The following F5 variants were observed in gnomAD, a reference collection of about 807,000 sequenced individuals.
The protein encoded by F5 is activated protein c cofactor.
In F5, 138 loss-of-function variants were observed where a neutral mutation model predicts 216.4. The observed-to-expected ratio is 0.64, with a 90% CI of 0.56 to 0.73. F5 has a LOEUF of 0.73. Ranked by LOEUF, F5 falls within the 30% of genes least tolerant of loss-of-function variation. The probability of loss-of-function intolerance (pLI) is 0.00; values close to 1 mark genes in which losing one functional copy is unlikely to be tolerated. For synonymous variants in F5, 916 were observed against 930.7 expected (o/e 0.98, Z 0.29); for missense variants, 2,403 against 2,674.0 (o/e 0.90, Z 2.24).
Position 169,552,577 on chromosome 1 carries a change from G to A in F5, c.1276C>T (p.Gln426Ter), listed in dbSNP as rs1040732980. Residue 426 changes from glutamine to a stop codon, truncating the protein, a stop_gained, in exon 8 of 25, where the codon CAG becomes TAG. Transcript: ENST00000367797. LOFTEE classifies it high-confidence loss of function. ...DGILGPIIRA[Q>*]VRDTLKIVFK... Reference sequence around the variant, plus strand: ...CTTACTTTGAGTGTGTCTCTGACCTGGGCTCTGATAATAGGACCCAAAATC... The same window carrying A: ...CTTACTTTGAGTGTGTCTCTGACCTAGGCTCTGATAATAGGACCCAAAATC... 1 of 1,613,376 alleles carries A rather than the reference G, an allele frequency of 6.2e-7. No individual in the cohort carries two copies. Among genetic ancestry groups the A allele is most frequent in the African/African-American group, 1.3e-5 (1 of 74,836 alleles).
At chr1:169,544,147 A>T in intron 12 of F5, 149 bp downstream of exon 12, 1 of 704,888 alleles carries the variant, frequency 1.4e-6, no homozygotes, top group Non-Finnish European at 2.5e-6. Flanking sequence ...TTTCTCAAAG[A>T]GAAATCATGA....
chr1:169,530,126 C>A (rs1210587319), intron 15 of F5, among the ~76,000 whole-genome samples: 1 of 152,148 alleles, frequency 6.6e-6, no homozygotes, highest in Non-Finnish European at 1.5e-5. Flanking sequence ...CCCATTTAAT[C>A]CTGACAACTA....
chr1:169,577,807 C>T (rs1235505299), intron 2 of F5, among the ~76,000 whole-genome samples: 1 of 151,604 alleles, frequency 6.6e-6, no homozygotes, highest in Non-Finnish European at 1.5e-5. Flanking sequence ...CCCTCACCTG[C>T]CCAAATGTCC....
intron 2 of F5, among the ~76,000 whole-genome samples, chr1:169,581,488 G>T (rs1347452911): frequency 6.6e-6 from 1 of 152,004 alleles, no homozygotes; most frequent in African/African-American, 2.4e-5. Flanking sequence ...ACTGGACATG[G>T]TTTGATTTGG....
chr1:169,542,839 A>G lies in F5; in HGVS notation c.2251T>C (p.Phe751Leu). The change falls in exon 13 of 25, where the codon TTC becomes CTC. Residue 751 changes from phenylalanine to leucine, a missense_variant. Transcript: ENST00000367797. ...TCCAGAGCTAGGGCAGTAAGATTGA[A>G]CTCTTCTTCTTCCTGATTCAATGAT... ...NSSLNQEEEE[F>L]NLTALALENG... is the part of the protein sequence containing the mutation. The G allele has an allele frequency of 6.2e-7, 1 of 1,613,752 alleles. No homozygotes were observed. Among genetic ancestry groups the G allele is most frequent in the Non-Finnish European group, 8.5e-7 (1 of 1,179,922 alleles).
In F5 at chr1:169,542,320, A is replaced by T. The variant is rs1557916088; in HGVS notation, c.2770T>A (p.Trp924Arg). 6.3e-6 allele frequency: 10 copies of T among 1,599,474 alleles called. No individual in the cohort carries two copies. The highest frequency in any genetic ancestry group is 3.4e-6 in the Non-Finnish European group (4 of 1,168,372). ...AACAGATCACTAGGAGGGTCCTTCC[A>T]GGGCCTCATTCTGGAAGGAGAACCA... ...DTGSPSRMRP[W>R]KDPPSDLLLL... is the part of the protein sequence containing the mutation. The change falls in exon 13 of 25, where the codon TGG becomes AGG. Residue 924 changes from tryptophan (W) to arginine (R), a missense_variant. Coordinates refer to ENST00000367797, the MANE Select transcript of F5 (RefSeq NM_000130.5).
intron 1 of F5, among the ~76,000 whole-genome samples, chr1:169,583,482 C>T (rs776880285): frequency 1.3e-5 from 2 of 152,184 alleles, no homozygotes; most frequent in African/African-American, 2.4e-5. Flanking sequence ...CCTATATCTA[C>T]CTCTTATTGT....
intron 12 of F5, 40 bp downstream of exon 12, chr1:169,544,255 CA>C (rs746027596): frequency 2.0e-5 from 31 of 1,582,916 alleles, no homozygotes; most frequent in Non-Finnish European, 2.6e-5. Flanking sequence ...ACCAGAAATT[CA>C]AAGCAAGCTT....
At chr1:169,546,090 T>C (rs1659994512) in intron 11 of F5, among the ~76,000 whole-genome samples, 1 of 152,090 alleles carries the variant, frequency 6.6e-6, no homozygotes, top group African/African-American at 2.4e-5. Context: ...CACCCTGAAC[T>C]CAGTCTAGGA....
intron 8 of F5, among the ~76,000 whole-genome samples, chr1:169,551,944 A>C (rs1206132135): frequency 6.6e-6 from 1 of 152,364 alleles, no homozygotes; most frequent in East Asian, 1.9e-4. Context: ...TACATTAAAA[A>C]ATGAGTAAAA....
intron 13 of F5, among the ~76,000 whole-genome samples, chr1:169,539,452 A>G (rs1401761367): frequency 7.0e-6 from 1 of 142,892 alleles, no homozygotes; most frequent in Non-Finnish European, 1.6e-5. Flanking sequence ...CTTGCTTAGA[A>G]ATACTCAGGT....
At chr1:169,582,374 G>T in intron 2 of F5, 57 bp downstream of exon 2, 1 of 964,366 alleles carries the variant, frequency 1.0e-6, no homozygotes, top group Non-Finnish European at 1.6e-6. Flanking sequence ...GCATGTGAAT[G>T]CCAAATTACC....
chr1:169,554,318 T>C (rs1222218364), intron 7 of F5, among the ~76,000 whole-genome samples: 1 of 152,230 alleles, frequency 6.6e-6, no homozygotes, highest in Non-Finnish European at 1.5e-5. Context: ...CTATACTACA[T>C]CCCAGCTTTT....
intron 12 of F5, 96 bp downstream of exon 12, chr1:169,544,200 T>C (rs1232765867): frequency 9.1e-6 from 9 of 985,646 alleles, no homozygotes; most frequent in South Asian, 5.4e-5. Flanking sequence ...GGGAGATACA[T>C]AGAGGAGCAC....
intron 9 of F5, among the ~76,000 whole-genome samples, chr1:169,550,292 C>A (rs1288183256): frequency 5.4e-5 from 4 of 74,206 alleles, no homozygotes; most frequent in East Asian, 4.7e-4. Context: ...CCCCCCACCC[C>A]CCCCCCCCGA....
intron 3 of F5, among the ~76,000 whole-genome samples, chr1:169,563,003 A>G (rs1660516500): frequency 6.6e-6 from 1 of 151,990 alleles, no homozygotes; most frequent in Non-Finnish European, 1.5e-5. Flanking sequence ...CTGCTCTGTT[A>G]GTGAGAAATT....
At chr1:169,518,022 G>A (rs946733432) in intron 23 of F5, among the ~76,000 whole-genome samples, 3 of 152,088 alleles carry the variant, frequency 2.0e-5, no homozygotes, top group African/African-American at 7.2e-5. Flanking sequence ...AGTTTTATTA[G>A]AACACAGCCA....
At chr1:169,572,825 A>G (rs1660756824) in intron 2 of F5, among the ~76,000 whole-genome samples, 1 of 152,200 alleles carries the variant, frequency 6.6e-6, no homozygotes, top group South Asian at 2.1e-4. Context: ...AACAGTAAGA[A>G]AAACAGTACG....
Position 169,526,131 on chromosome 1 carries a change from T to G in F5, c.5600-114A>C, listed in dbSNP as rs75914620. On this transcript the variant is annotated intron_variant, in intron 17 of 24. Transcript: ENST00000367797. ...TTCACAAGAGGCTTTCAAATAGAAT[T>G]TAACCATTTTTCTTTAGGTAGGACT... The G allele has an allele frequency of 7.9e-4, 581 of 737,534 alleles. 2 individuals carry two copies. In the African/African-American group the frequency reaches 8.4e-3, roughly 11 times the overall value. 45.7% of individuals were successfully genotyped at this position (737,534 alleles called of 1,614,324 possible).
Sources: allele counts gnomAD v4.1 joint callset (sites outside exome capture counted in the v4.1 genomes callset), GRCh38; gene constraint gnomAD v4.1.1; transcripts MANE v1.5; gene names NCBI Gene and HGNC (gene_info 2026-07-23, HGNC 2026-07-21).